The following NTM variants were observed in gnomAD, a reference collection of about 807,000 sequenced individuals.
NTM encodes the protein neurotrimin.
In NTM, 13 loss-of-function variants were observed where a neutral mutation model predicts 42.1. The observed-to-expected ratio is 0.31, with a 90% CI of 0.20 to 0.49. The LOEUF (loss-of-function observed/expected upper bound fraction) is 0.49, where lower values mean the gene tolerates loss of function less well. Ranked by LOEUF, NTM falls within the 20% of genes least tolerant of loss-of-function variation. The pLI is 0.99. For synonymous variants in NTM, 187 were observed against 179.2 expected (o/e 1.04, Z -0.35); for missense variants, 373 against 452.8 (o/e 0.82, Z 1.60).
intron 1 of NTM, among the ~76,000 whole-genome samples, chr11:131,505,282 G>T (rs908672859): frequency 6.6e-6 from 1 of 152,070 alleles, no homozygotes; most frequent in African/African-American, 2.4e-5. Context: ...TGCTAACAAC[G>T]ATCATTTATT....
chr11:131,517,074 T>C (rs940192606), intron 1 of NTM, among the ~76,000 whole-genome samples: 1 of 152,172 alleles, frequency 6.6e-6, no homozygotes, highest in Admixed American at 6.5e-5. Flanking sequence ...GGGAAGTCTT[T>C]CCCAGTTTTG....
At chr11:131,802,907 GT>G (rs1298708673) in intron 1 of NTM, among the ~76,000 whole-genome samples, 1 of 152,208 alleles carries the variant, frequency 6.6e-6, no homozygotes, top group Non-Finnish European at 1.5e-5. Context: ...TTGTGAAAGG[GT>G]GTCTGTTACT....
chr11:132,053,897 T>C (rs1449694025), intron 2 of NTM, among the ~76,000 whole-genome samples: 1 of 152,320 alleles, frequency 6.6e-6, no homozygotes, highest in East Asian at 1.9e-4. Context: ...AGGGTCTATT[T>C]ACAGTAGCAG....
At chr11:131,394,112 T>A (rs1461680691) in intron 1 of NTM, among the ~76,000 whole-genome samples, 1 of 152,170 alleles carries the variant, frequency 6.6e-6, no homozygotes, top group Non-Finnish European at 1.5e-5. Flanking sequence ...GATTTTCCAA[T>A]CAGCTGAAAT....
At chr11:131,407,642 T>C (rs192271919) in intron 1 of NTM, among the ~76,000 whole-genome samples, 7 of 152,348 alleles carry the variant, frequency 4.6e-5, no homozygotes, top group Admixed American at 4.6e-4. Flanking sequence ...TTTGTCATAC[T>C]TTCTGCCTTA....
chr11:131,972,905 G>A (rs193173113), intron 2 of NTM, among the ~76,000 whole-genome samples: 5 of 152,140 alleles, frequency 3.3e-5, no homozygotes, highest in Non-Finnish European at 5.9e-5. Flanking sequence ...CTCATTCAGC[G>A]ATGTCTAAAT....
At chr11:131,548,380 AATT>A (rs1388932372) in intron 1 of NTM, among the ~76,000 whole-genome samples, 10 of 152,164 alleles carry the variant, frequency 6.6e-5, no homozygotes, top group Non-Finnish European at 1.2e-4. Context: ...AAGGCATAAA[AATT>A]ATTATTTTTT....
chr11:131,997,547 A>C (rs1407566471), intron 2 of NTM, among the ~76,000 whole-genome samples: 1 of 152,202 alleles, frequency 6.6e-6, no homozygotes, highest in Non-Finnish European at 1.5e-5. Context: ...GGCATAGCAC[A>C]GGCTGTGGCT....
intron 1 of NTM, among the ~76,000 whole-genome samples, chr11:131,526,098 G>A (rs1290556839): frequency 6.6e-6 from 1 of 152,180 alleles, no homozygotes; most frequent in Non-Finnish European, 1.5e-5. Flanking sequence ...AGTGCCATTA[G>A]GCAAGAACTA....
rs146810967 is a variant in NTM, at chr11:132,194,373, C to T, written c.401-17649C>T. Among the ~76,000 whole-genome samples the T allele has an allele frequency of 2.6e-3, 396 of 152,102 alleles. 2 individuals carry two copies. Among genetic ancestry groups the T allele is most frequent in the Middle Eastern group, 0.01 (3 of 294 alleles). ...ATTAAAAAAAACAAAATAACATGAT[C>T]GTCTCAATAAATGCTGAAAAGGCTC... On this transcript the variant is annotated intron_variant, in intron 3 of 8. Coordinates refer to ENST00000683400, the MANE Select transcript of NTM (RefSeq NM_001352005.2).
At chr11:131,407,991 CA>C (rs1458184401) in intron 1 of NTM, among the ~76,000 whole-genome samples, 1 of 152,224 alleles carries the variant, frequency 6.6e-6, no homozygotes, top group Non-Finnish European at 1.5e-5. Context: ...GCGCGGCCCC[CA>C]GCCAGGACTT....
intron 4 of NTM, among the ~76,000 whole-genome samples, chr11:132,286,316 C>T (rs1358707178): frequency 6.6e-6 from 1 of 152,148 alleles, no homozygotes; most frequent in Non-Finnish European, 1.5e-5. Context: ...CAGCAGGCTG[C>T]CACTCTGCAC....
intron 1 of NTM, among the ~76,000 whole-genome samples, chr11:131,714,247 G>T (rs140731150): frequency 2.0e-5 from 3 of 151,974 alleles, no homozygotes; most frequent in Non-Finnish European, 2.9e-5. Flanking sequence ...AGAGTACAGT[G>T]GCGTGATCTT....
rs545999344 is a variant in NTM, at chr11:131,681,229, C to T, written c.83-230335C>T. Among the ~76,000 whole-genome samples the T allele has an allele frequency of 1.4e-4, 8 of 55,878 alleles. 3 individuals are homozygous for T. The highest frequency in any genetic ancestry group is 3.3e-4 in the African/African-American group (7 of 21,122). The allele number at this position is 55,878 out of a possible 152,430, so 36.7% of individuals were successfully genotyped here. A position where few individuals can be genotyped will look rare whatever the true frequency, so the allele number is the denominator to read the frequency against. On this transcript the variant is annotated intron_variant, in intron 1 of 8. Coordinates refer to ENST00000683400, the MANE Select transcript of NTM (RefSeq NM_001352005.2). ...TGTGTTTCTGTGTCTGTGTGTATGTCTCCCTGTGTATGTGAGCGTGTGTTT... is the reference window on the plus strand; with the variant it reads ...TGTGTTTCTGTGTCTGTGTGTATGTTTCCCTGTGTATGTGAGCGTGTGTTT...
At chr11:131,533,847 A>G (rs1393123502) in intron 1 of NTM, 1 of 152,256 alleles carries the variant, frequency 6.6e-6, no homozygotes, top group African/African-American at 2.4e-5. Context: ...AACAAAAGCC[A>G]ATGATATCTA....
At chr11:131,945,465 G>A (rs1023819535) in intron 2 of NTM, among the ~76,000 whole-genome samples, 1 of 152,134 alleles carries the variant, frequency 6.6e-6, no homozygotes, top group African/African-American at 2.4e-5. Context: ...TGGTCCACTT[G>A]AGGTTAAAAG....
intron 1 of NTM, among the ~76,000 whole-genome samples, chr11:131,721,714 G>A (rs182788669): frequency 6.6e-5 from 10 of 151,988 alleles, no homozygotes; most frequent in Admixed American, 4.6e-4. Flanking sequence ...GAAATAATGC[G>A]GGCCAGGAGC....
At chr11:132,153,612 G>T (rs562788542) in intron 3 of NTM, among the ~76,000 whole-genome samples, 2 of 152,304 alleles carry the variant, frequency 1.3e-5, no homozygotes, top group African/African-American at 4.8e-5. Context: ...CAAAGATTCT[G>T]GTTGTTCCTC....
intron 1 of NTM, among the ~76,000 whole-genome samples, chr11:131,907,288 C>T (rs1262543635): frequency 6.6e-6 from 1 of 152,224 alleles, no homozygotes; most frequent in Non-Finnish European, 1.5e-5. Flanking sequence ...CAGCTAATTT[C>T]TCTTTCATTG....
Sources: allele counts gnomAD v4.1 joint callset (sites outside exome capture counted in the v4.1 genomes callset), GRCh38; gene constraint gnomAD v4.1.1; transcripts MANE v1.5; gene names NCBI Gene and HGNC (gene_info 2026-07-23, HGNC 2026-07-21).